Variants in EML4 observed in about 807,000 individuals in gnomAD.
The protein encoded by EML4 is echinoderm microtubule-associated protein-like 4.
Under a neutral mutation model 129.0 loss-of-function variants are expected in EML4, and 72 were observed. The observed-to-expected ratio is 0.56, with a 90% CI of 0.46 to 0.68. The LOEUF (loss-of-function observed/expected upper bound fraction) is 0.68. Among genes scored for constraint, EML4 ranks in the 30% least tolerant of loss-of-function variants. The pLI, the probability that EML4 is intolerant of heterozygous loss-of-function variation, is 0.00. For synonymous variants in EML4, 532 were observed against 405.0 expected, an observed-to-expected ratio of 1.31 and a Z score of -3.77; for missense variants, 1,363 against 1,190.6, an observed-to-expected ratio of 1.14 and a Z score of -2.13.
chr2:42,252,852 G>T (rs1675872918), intron 2 of EML4, among the ~76,000 whole-genome samples: 1 of 152,220 alleles, frequency 6.6e-6, no homozygotes, highest in East Asian at 1.9e-4. Flanking sequence ...ATAGAATTAT[G>T]TGTCCTTTCT....
intron 6 of EML4, among the ~76,000 whole-genome samples, chr2:42,270,407 A>G (rs993122460): frequency 2.6e-5 from 4 of 152,176 alleles, no homozygotes; most frequent in Non-Finnish European, 5.9e-5. Flanking sequence ...AAAAATACAA[A>G]AAATTAACGA....
At chr2:42,248,644 A>C (rs1675568744) in intron 2 of EML4, among the ~76,000 whole-genome samples, 2 of 152,152 alleles carry the variant, frequency 1.3e-5, no homozygotes, top group Admixed American at 6.5e-5. Flanking sequence ...TTCTTTTCAC[A>C]TAACACTAAC....
At chr2:42,328,396 G>T (rs1446402783) in intron 21 of EML4, among the ~76,000 whole-genome samples, 1 of 152,208 alleles carries the variant, frequency 6.6e-6, no homozygotes, top group Non-Finnish European at 1.5e-5. Flanking sequence ...CTAAACTAGT[G>T]GATGGCCTAT....
intron 2 of EML4, 74 bp downstream of exon 2, chr2:42,245,761 A>G (rs1217715945): frequency 6.5e-6 from 9 of 1,382,926 alleles, no homozygotes; most frequent in Non-Finnish European, 8.7e-6. Flanking sequence ...CTGGAAATAT[A>G]AAACTAGTTT....
At chr2:42,273,250 T>G (rs757680040) in intron 6 of EML4, among the ~76,000 whole-genome samples, 1 of 152,206 alleles carries the variant, frequency 6.6e-6, no homozygotes, top group Non-Finnish European at 1.5e-5. Context: ...CAGAAAAGTT[T>G]TAAGCAGTAT....
In EML4 at chr2:42,237,507, G is replaced by A. The variant is rs145632705; in HGVS notation, c.26-7998G>A. On this transcript the variant is annotated intron_variant, in intron 1 of 22. Transcript: ENST00000318522. ...ATTTTTGTGTGTGGTGGAGATATGG[G>A]CTTTAATATATGGTTCACCCTTGAA... Among the ~76,000 whole-genome samples the A allele has an allele frequency of 2.5e-3, 387 of 152,052 alleles. 3 individuals are homozygous for A. Among genetic ancestry groups the A allele is most frequent in the South Asian group, 3.7e-3 (18 of 4,820 alleles).
At chr2:42,275,505 C>A (rs1223415412) in intron 6 of EML4, among the ~76,000 whole-genome samples, 1 of 152,176 alleles carries the variant, frequency 6.6e-6, no homozygotes. Flanking sequence ...ACTAGGAGAG[C>A]TATAAGATTT....
chr2:42,315,933 A>G, intron 17 of EML4, 29 bp from the exon 18 acceptor site: 1 of 1,531,728 alleles, frequency 6.5e-7, no homozygotes, highest in Non-Finnish European at 8.9e-7. Context: ...TAATATCTGA[A>G]GAAAATTTTG....
intron 1 of EML4, among the ~76,000 whole-genome samples, chr2:42,183,287 G>A (rs1036760217): frequency 6.6e-6 from 1 of 152,230 alleles, no homozygotes; most frequent in African/African-American, 2.4e-5. Context: ...CATGAAGCTT[G>A]TATTATCATG....
intron 17 of EML4, among the ~76,000 whole-genome samples, chr2:42,307,665 A>G (rs1668687485): frequency 6.6e-6 from 1 of 152,204 alleles, no homozygotes; most frequent in Admixed American, 6.5e-5. Flanking sequence ...TATTTTATTT[A>G]CTTATTTAGA....
intron 20 of EML4, chr2:42,325,947 A>G (rs1572764462): frequency 7.2e-6 from 2 of 277,502 alleles, no homozygotes; most frequent in Non-Finnish European, 1.1e-5. Context: ...TTTTTAGAGG[A>G]AAAAAAAAAC....
In EML4 at chr2:42,278,621, G is replaced by C. The variant is rs1666799259; in HGVS notation, c.668-2229G>C. ...AAAAAAAATCCATCAGTTGAGTGAAGTATTTTCTTTTGTAAAAGATGTGTA... is the reference window on the plus strand; with the variant it reads ...AAAAAAAATCCATCAGTTGAGTGAACTATTTTCTTTTGTAAAAGATGTGTA... On this transcript the variant is annotated intron_variant, in intron 6 of 22. Coordinates refer to ENST00000318522, the MANE Select transcript of EML4 (RefSeq NM_019063.5). Among the ~76,000 whole-genome samples, 3 of 139,948 alleles carry C rather than the reference G, an allele frequency of 2.1e-5. No homozygotes were observed. In the Admixed American group the frequency reaches 2.2e-4, roughly 10 times the overall value. The allele number at this position is 139,948 out of a possible 152,430, so 91.8% of individuals were successfully genotyped here.
chr2:42,224,931 C>T (rs534401807), intron 1 of EML4, among the ~76,000 whole-genome samples: 62 of 152,128 alleles, frequency 4.1e-4, no homozygotes, highest in East Asian at 9.6e-4. Flanking sequence ...TTTCAGTCCC[C>T]GGTAACCTCT....
chr2:42,182,423 A>G (rs1572839263), intron 1 of EML4, among the ~76,000 whole-genome samples: 1 of 150,170 alleles, frequency 6.7e-6, no homozygotes, highest in Non-Finnish European at 1.5e-5. Context: ...CCAGCATCCT[A>G]TGCCAGGCTG....
At chr2:42,258,091 C>T (rs766042275) in intron 3 of EML4, among the ~76,000 whole-genome samples, 2 of 152,066 alleles carry the variant, frequency 1.3e-5, no homozygotes, top group Non-Finnish European at 2.9e-5. Flanking sequence ...GTGTAGTGAT[C>T]AGTATTATGC....
At chr2:42,285,466 G>T (rs1198917157) in intron 9 of EML4, among the ~76,000 whole-genome samples, 1 of 152,202 alleles carries the variant, frequency 6.6e-6, no homozygotes, top group African/African-American at 2.4e-5. Context: ...CTATTTAAGG[G>T]CTGTTTAGCA....
At chr2:42,309,761 T>G (rs1033255951) in intron 17 of EML4, among the ~76,000 whole-genome samples, 1 of 152,198 alleles carries the variant, frequency 6.6e-6, no homozygotes, top group East Asian at 1.9e-4. Context: ...TTGTAAGAGT[T>G]TTTTATATAT....
chr2:42,255,163 G>T (rs543587303), intron 2 of EML4, among the ~76,000 whole-genome samples: 1 of 151,974 alleles, frequency 6.6e-6, no homozygotes, highest in East Asian at 1.9e-4. Flanking sequence ...CCCACTAACT[G>T]CAAGCTCCGC....
chr2:42,302,275 T>C (rs779043489), intron 14 of EML4, among the ~76,000 whole-genome samples: 68 of 152,206 alleles, frequency 4.5e-4, no homozygotes, highest in Non-Finnish European at 7.5e-4. Flanking sequence ...GATGCAGATA[T>C]GCTGTATAGT....
Sources: allele counts gnomAD v4.1 joint callset (sites outside exome capture counted in the v4.1 genomes callset), GRCh38; gene constraint gnomAD v4.1.1; transcripts MANE v1.5; gene names NCBI Gene and HGNC (gene_info 2026-07-23, HGNC 2026-07-21).